The following EYA2 variants were observed in gnomAD, a reference collection of about 807,000 sequenced individuals.
EYA2 encodes the protein protein phosphatase EYA2.
In EYA2, 31 loss-of-function variants were observed where a neutral mutation model predicts 69.2. That is an observed-to-expected ratio of 0.45 (90% CI 0.34 to 0.60). The LOEUF is 0.60. Ranked by LOEUF, EYA2 falls within the 20% of genes least tolerant of loss-of-function variation. The pLI is 0.02. For missense variants in EYA2, 622 were observed against 701.2 expected (o/e 0.89, Z 1.28); for synonymous variants, 257 against 279.4 (o/e 0.92, Z 0.80).
At chr20:46,986,647 G>A (rs1033040561) in intron 1 of EYA2, among the ~76,000 whole-genome samples, 4 of 151,992 alleles carry the variant, frequency 2.6e-5, no homozygotes, top group South Asian at 2.1e-4. Context: ...TATCTGTTCC[G>A]CTTCTGGTGA....
At chr20:47,056,449 A>G (rs530599465) in intron 5 of EYA2, among the ~76,000 whole-genome samples, 1 of 152,022 alleles carries the variant, frequency 6.6e-6, no homozygotes, top group East Asian at 1.9e-4. Context: ...AGCACTTTTG[A>G]CATCTTCAGT....
chr20:47,168,194 TTTTTTTG>T lies in EYA2; in HGVS notation c.979-938_979-932del, dbSNP rs1238526572. Among the ~76,000 whole-genome samples the T allele has an allele frequency of 2.9e-3, 268 of 93,516 alleles. 2 individuals carry two copies. The highest frequency in any genetic ancestry group is 0.014 in the African/African-American group (243 of 17,642). The allele number at this position is 93,516 out of a possible 152,430, so 61.4% of individuals were successfully genotyped here. Reference sequence around the variant, plus strand: ...CACCCCGTAGTCTTTTGTTTTTTTGTTTTTTTGTTTTTTTTGAGACAGAGTCTTGCTC... The same window carrying T: ...CACCCCGTAGTCTTTTGTTTTTTTGTTTTTTTTTGAGACAGAGTCTTGCTC... On this transcript the variant is annotated intron_variant, in intron 10 of 15. Transcript: ENST00000327619.
chr20:47,113,926 TTAAATGGAA>T (rs2032821337), intron 9 of EYA2, among the ~76,000 whole-genome samples: 1 of 152,074 alleles, frequency 6.6e-6, no homozygotes, highest in Non-Finnish European at 1.5e-5. Context: ...GGTTTCTTAT[TTAAATGGAA>T]CTAGGTGTCA....
At chr20:47,063,431 T>G (rs1600680844) in intron 5 of EYA2, among the ~76,000 whole-genome samples, 1 of 114,082 alleles carries the variant, frequency 8.8e-6, no homozygotes, top group South Asian at 2.4e-4. Flanking sequence ...GTGTGTGTGT[T>G]TTGAGACAGT....
intron 1 of EYA2, among the ~76,000 whole-genome samples, chr20:46,987,964 C>CTATATATATATATATATATATATA (rs71183225): frequency 3.5e-4 from 4 of 11,272 alleles, no homozygotes; most frequent in Non-Finnish European, 5.1e-4. Flanking sequence ...CTCTCTCTCT[C>CTATATATATATATATATATATATA]TATATATATA....
In EYA2 at chr20:47,182,628, T is replaced by TCAAAAAAA. The variant is rs779945744; in HGVS notation, c.1436-663_1436-662insCAAAAAAA. ...TGGGCAACAAGAACGAGACTCCGTCTAAAAAAAAAAAAAAAAGGTTAAGAT... is the reference window on the plus strand; with the variant it reads ...TGGGCAACAAGAACGAGACTCCGTCTCAAAAAAAAAAAAAAAAAAAAAAAGGTTAAGAT... On this transcript the variant is annotated intron_variant, in intron 14 of 15. Transcript: ENST00000327619. Among the ~76,000 whole-genome samples the TCAAAAAAA allele has an allele frequency of 7.7e-4, 65 of 84,328 alleles. 12 individuals carry two copies. Among genetic ancestry groups the TCAAAAAAA allele is most frequent in the East Asian group, 3.3e-3 (9 of 2,706 alleles). The allele number at this position is 84,328 out of a possible 152,430, so 55.3% of individuals were successfully genotyped here.
chr20:46,952,427 T>C (rs536289713), intron 1 of EYA2, among the ~76,000 whole-genome samples: 5 of 152,322 alleles, frequency 3.3e-5, no homozygotes, highest in Admixed American at 6.5e-5. Context: ...TTTAACCTCC[T>C]TTTAGAAATC....
intron 1 of EYA2, among the ~76,000 whole-genome samples, chr20:46,910,424 A>G (rs1038912869): frequency 1.3e-5 from 2 of 152,160 alleles, no homozygotes; most frequent in Non-Finnish European, 2.9e-5. Flanking sequence ...ACAACACTGG[A>G]GATTCCATTT....
intron 10 of EYA2, among the ~76,000 whole-genome samples, chr20:47,163,891 G>C (rs891939924): frequency 6.6e-6 from 1 of 152,060 alleles, no homozygotes. Flanking sequence ...GGGTCAGAAA[G>C]TAAAAATCCC....
chr20:46,912,989 C>T (rs567066960), intron 1 of EYA2, among the ~76,000 whole-genome samples: 13 of 152,216 alleles, frequency 8.5e-5, no homozygotes, highest in East Asian at 1.9e-4. Flanking sequence ...CGTGAGCCAC[C>T]GCGCCCGGCC....
intron 8 of EYA2, 80 bp from the exon 9 acceptor site, chr20:47,097,005 A>G (rs2032266321): frequency 3.9e-6 from 4 of 1,021,070 alleles, no homozygotes; most frequent in Non-Finnish European, 6.0e-6. Context: ...TTTTCCTCCA[A>G]GGGAATGAAT....
chr20:47,023,180 T>G (rs1600647855), intron 5 of EYA2, among the ~76,000 whole-genome samples: 1 of 152,358 alleles, frequency 6.6e-6, no homozygotes, highest in South Asian at 2.1e-4. Flanking sequence ...TGTAATAATT[T>G]CGTGGGAACC....
chr20:47,154,819 TTGTG>T (rs11472542), intron 10 of EYA2, among the ~76,000 whole-genome samples: 13,184 of 140,794 alleles, frequency 0.094, 648 homozygotes, highest in Middle Eastern at 0.13. Context: ...TTATTTTGTT[TTGTG>T]TGTGTGTGTG....
rs779945803 is a variant in EYA2 at position 47,074,344 on chromosome 20, A to G, written c.661+9A>G. 7 of 1,613,302 alleles carry G rather than the reference A, an allele frequency of 4.3e-6. No homozygotes were observed. In the African/African-American group the frequency reaches 8.0e-5, roughly 18 times the overall value. ...TTCCGAGTCACTTGCTGGTAGGTGC[A>G]GTCACTGGTGGGGCCATTCATGGCT... On this transcript the variant is annotated intron_variant, in intron 7 of 15. Coordinates refer to ENST00000327619, the MANE Select transcript of EYA2 (RefSeq NM_005244.5).
chr20:47,106,797 G>A (rs997504476), intron 9 of EYA2, among the ~76,000 whole-genome samples: 1 of 152,078 alleles, frequency 6.6e-6, no homozygotes, highest in African/African-American at 2.4e-5. Context: ...AGTGCCACTC[G>A]CTCAGCATCC....
chr20:46,966,143 C>CT (rs888212669), intron 1 of EYA2, among the ~76,000 whole-genome samples: 1 of 151,812 alleles, frequency 6.6e-6, no homozygotes, highest in Non-Finnish European at 1.5e-5. Context: ...TTTTCTTTTT[C>CT]TTTTTTGGGA....
chr20:47,129,551 A>T (rs2033283120), intron 9 of EYA2, among the ~76,000 whole-genome samples: 1 of 152,210 alleles, frequency 6.6e-6, no homozygotes, highest in South Asian at 2.1e-4. Flanking sequence ...AGGCCACTAG[A>T]AGACGGTGGC....
intron 5 of EYA2, among the ~76,000 whole-genome samples, chr20:47,022,880 A>G (rs970643242): frequency 6.6e-6 from 1 of 151,518 alleles, no homozygotes; most frequent in African/African-American, 2.4e-5. Context: ...GGTAAACTTC[A>G]CCTTTTTAAA....
intron 7 of EYA2, among the ~76,000 whole-genome samples, chr20:47,077,452 C>T (rs1443981185): frequency 1.3e-5 from 2 of 152,164 alleles, no homozygotes; most frequent in African/African-American, 4.8e-5. Flanking sequence ...TTTTCTGAAA[C>T]CTACTGATGC....
Sources: allele counts gnomAD v4.1 joint callset (sites outside exome capture counted in the v4.1 genomes callset), GRCh38; gene constraint gnomAD v4.1.1; transcripts MANE v1.5; gene names NCBI Gene and HGNC (gene_info 2026-07-23, HGNC 2026-07-21).